Variants in C3orf70 observed in about 807,000 individuals in gnomAD.
C3orf70 encodes the protein UPF0524 protein C3orf70.
In C3orf70, 15 loss-of-function variants were observed where a neutral mutation model predicts 20.7. The observed-to-expected ratio is 0.72, with a 90% confidence interval of 0.48 to 1.11. The LOEUF is 1.11. Among genes scored for constraint, C3orf70 ranks in the 50% most tolerant of loss-of-function variants. The pLI is 0.00. For missense variants in C3orf70, 332 were observed against 317.6 expected (o/e 1.05, Z -0.34); for synonymous variants, 161 against 125.7 (o/e 1.28, Z -1.88).
chr3:185,093,789 G>T (rs1315340209), intron 1 of C3orf70, among the ~76,000 whole-genome samples: 1 of 151,998 alleles, frequency 6.6e-6, no homozygotes, highest in Non-Finnish European at 1.5e-5. Context: ...GCGGGGGGAC[G>T]TATGGGATGC....
At chr3:185,113,573 C>A (rs939166301) in intron 1 of C3orf70, among the ~76,000 whole-genome samples, 3 of 152,088 alleles carry the variant, frequency 2.0e-5, no homozygotes, top group African/African-American at 2.4e-5. Context: ...CTAGTAAAAG[C>A]ATTTCTTGAA....
At chr3:185,090,664 T>A (rs1321935008) in intron 1 of C3orf70, among the ~76,000 whole-genome samples, 1 of 152,234 alleles carries the variant, frequency 6.6e-6, no homozygotes, top group Non-Finnish European at 1.5e-5. Context: ...TTGAAAGTAA[T>A]GCTAAATATT....
At position 185,091,391 on chromosome 3, in the gene C3orf70, G is replaced by A. The variant is rs115123876; in HGVS notation, c.197-7828C>T. On this transcript the variant is annotated intron_variant, in intron 1 of 1. Transcript: ENST00000335012. ...GGGGCTTGGAATGCTAAGCCAAGGG[G>A]TTCAGATTTGGGTAGCAGTGGTGAA... Among the ~76,000 whole-genome samples the A allele has an allele frequency of 3.5e-3, 534 of 152,256 alleles. 2 individuals are homozygous for A. Among genetic ancestry groups the A allele is most frequent in the African/African-American group, 0.012 (480 of 41,548 alleles).
chr3:185,083,244 C>G lies in C3orf70; in HGVS notation c.516G>C (p.Glu172Asp), dbSNP rs753948081. 6.2e-7 allele frequency: 1 copy of G among 1,614,066 alleles called. No individual in the cohort carries two copies. Among genetic ancestry groups the G allele is most frequent in the Non-Finnish European group, 8.5e-7 (1 of 1,180,040 alleles). ...AGTGATCTATTTTTGGTGTATTGCT[C>G]TCTTTTGAAATTAAGGCATCGTGTG... ...VSAHDALISK[E>D]SNTPKIDHCS... is the part of the protein sequence containing the mutation. The change falls in exon 2 of 2, where the codon GAG becomes GAC. Residue 172 changes from glutamate to aspartate, a missense_variant. By Grantham distance (45) the Glu-to-Asp change is conservative (BLOSUM62 2). Coordinates refer to ENST00000335012, the MANE Select transcript of C3orf70 (RefSeq NM_001025266.3).
At chr3:185,106,304 C>T (rs1176125571) in intron 1 of C3orf70, among the ~76,000 whole-genome samples, 1 of 152,160 alleles carries the variant, frequency 6.6e-6, no homozygotes, top group East Asian at 1.9e-4. Flanking sequence ...TTGATTACAT[C>T]AAGGCCTGTG....
intron 1 of C3orf70, among the ~76,000 whole-genome samples, chr3:185,129,099 T>C (rs1041023646): frequency 5.3e-5 from 8 of 152,182 alleles, no homozygotes; most frequent in Non-Finnish European, 7.3e-5. Flanking sequence ...ACATTAGACA[T>C]GACTTTTTAA....
intron 1 of C3orf70, among the ~76,000 whole-genome samples, chr3:185,112,598 CATTT>C: frequency 6.6e-6 from 1 of 152,258 alleles, no homozygotes; most frequent in East Asian, 1.9e-4. Flanking sequence ...AACCTATATT[CATTT>C]ATTTTTACCA....
intron 1 of C3orf70, among the ~76,000 whole-genome samples, chr3:185,106,964 T>C (rs2108594479): frequency 6.6e-6 from 1 of 152,328 alleles, no homozygotes; most frequent in Non-Finnish European, 1.5e-5. Flanking sequence ...AGCTCCTGAT[T>C]GTGCCGTATG....
intron 1 of C3orf70, among the ~76,000 whole-genome samples, chr3:185,132,042 T>C (rs2108602747): frequency 6.6e-6 from 1 of 152,316 alleles, no homozygotes; most frequent in South Asian, 2.1e-4. Flanking sequence ...ACTTCCAGGC[T>C]GGTCCAGGTA....
chr3:185,085,190 C>T (rs1368879448), intron 1 of C3orf70, among the ~76,000 whole-genome samples: 1 of 152,148 alleles, frequency 6.6e-6, no homozygotes, highest in Non-Finnish European at 1.5e-5. Flanking sequence ...ATGGTACTTG[C>T]TCCTGTTTAT....
intron 1 of C3orf70, among the ~76,000 whole-genome samples, chr3:185,093,474 T>A (rs1161228814): frequency 6.6e-6 from 1 of 152,184 alleles, no homozygotes; most frequent in Non-Finnish European, 1.5e-5. Context: ...GGGACAGATA[T>A]ATGCAACAAA....
chr3:185,097,252 T>C (rs1388280308), intron 1 of C3orf70, among the ~76,000 whole-genome samples: 2 of 152,186 alleles, frequency 1.3e-5, no homozygotes, highest in South Asian at 2.1e-4. Context: ...ATGTCATATA[T>C]TAAAATGCTA....
chr3:185,111,517 C>T (rs76354074), intron 1 of C3orf70, among the ~76,000 whole-genome samples: 2,341 of 152,104 alleles, frequency 0.015, 46 homozygotes, highest in East Asian at 0.042. Context: ...AAAACAAAAC[C>T]GCAATGAGCT....
Position 185,081,594 on chromosome 3 carries a change from T to C in C3orf70, c.*1413A>G, listed in dbSNP as rs1400628590. The C allele has an allele frequency of 6.6e-6, 1 of 152,224 alleles. No individual in the cohort carries two copies. Among genetic ancestry groups the C allele is most frequent in the Non-Finnish European group, 1.5e-5 (1 of 68,046 alleles). 9.4% of individuals were successfully genotyped at this position (152,224 alleles called of 1,614,324 possible). ...TTAAAATTTCCAGGATTTGAAACTATGCCTCATGGATAGAAGGTTTGGAGA... is the reference window on the plus strand; with the variant it reads ...TTAAAATTTCCAGGATTTGAAACTACGCCTCATGGATAGAAGGTTTGGAGA... On this transcript the variant is annotated 3_prime_UTR_variant, in exon 2 of 2. Transcript: ENST00000335012.
intron 1 of C3orf70, among the ~76,000 whole-genome samples, chr3:185,150,862 A>G (rs1306954200): frequency 6.6e-6 from 1 of 152,244 alleles, no homozygotes; most frequent in African/African-American, 2.4e-5. Flanking sequence ...CTGGAAATGT[A>G]TAAATAGGAC....
chr3:185,146,532 C>T (rs1716880074), intron 1 of C3orf70, among the ~76,000 whole-genome samples: 2 of 152,132 alleles, frequency 1.3e-5, no homozygotes, highest in Non-Finnish European at 2.9e-5. Flanking sequence ...AGGTGATCCA[C>T]CCGCCTCAGC....
Position 185,079,703 on chromosome 3 carries a change from A to T in C3orf70, c.*3304T>A, listed in dbSNP as rs1338726098. ...ATTAAGCTTCTACCTAATAGCTTTT[A>T]TACCAACTTTCCAAAAGTAGGAGTG... On this transcript the variant is annotated 3_prime_UTR_variant, in exon 2 of 2. Coordinates refer to ENST00000335012, the MANE Select transcript of C3orf70 (RefSeq NM_001025266.3). 1 of 152,426 alleles carries T rather than the reference A, an allele frequency of 6.6e-6. No homozygotes were observed. Among genetic ancestry groups the T allele is most frequent in the East Asian group, 1.9e-4 (1 of 5,204 alleles). The allele number at this position is 152,426 out of a possible 1,614,324, so 9.4% of individuals were successfully genotyped here.
chr3:185,096,495 C>G lies in C3orf70; in HGVS notation c.197-12932G>C, dbSNP rs570094148. ...ATAAGACTATGAATGTGCTAGCTGT[C>G]AATTCACTGCCACTGAGCTCCAAAT... On this transcript the variant is annotated intron_variant, in intron 1 of 1. Coordinates refer to ENST00000335012, the MANE Select transcript of C3orf70 (RefSeq NM_001025266.3). Among the ~76,000 whole-genome samples the G allele has an allele frequency of 2.6e-3, 396 of 152,244 alleles. 2 individuals are homozygous for G. The highest frequency in any genetic ancestry group is 4.4e-3 in the Non-Finnish European group (297 of 68,018).
chr3:185,099,657 C>T (rs1715781434), intron 1 of C3orf70, among the ~76,000 whole-genome samples: 1 of 150,290 alleles, frequency 6.7e-6, no homozygotes, highest in Admixed American at 6.6e-5. Context: ...ACCACATAAA[C>T]AAGTCTAAAA....
Sources: gnomAD v4.1 joint callset for allele counts (sites outside exome capture counted in the v4.1 genomes callset) on GRCh38, gnomAD v4.1.1 for gene constraint, MANE v1.5 for transcripts, NCBI Gene and HGNC (gene_info 2026-07-23, HGNC 2026-07-21) for gene names.